Variants in PCDH15 observed in about 807,000 individuals in gnomAD.
The protein encoded by PCDH15 is protocadherin-15.
In PCDH15, 129 loss-of-function variants were observed where a neutral mutation model predicts 178.5. The observed-to-expected ratio is 0.72, with a 90% CI of 0.63 to 0.84. PCDH15 has a LOEUF of 0.84. PCDH15 is among the 40% of genes least tolerant of loss of function. The pLI, the probability that PCDH15 is intolerant of heterozygous loss-of-function variation, is 0.00. For synonymous variants in PCDH15, 800 were observed against 732.0 expected (o/e 1.09, Z -1.50); for missense variants, 2,230 against 2,099.9 (o/e 1.06, Z -1.21).
intron 1 of PCDH15, among the ~76,000 whole-genome samples, chr10:54,795,926 G>A (rs1276309195): frequency 6.6e-6 from 1 of 151,748 alleles, no homozygotes; most frequent in African/African-American, 2.4e-5. Flanking sequence ...AATATACCTT[G>A]GTTTCAGGTC....
At chr10:54,263,309 G>T (rs1037286846) in intron 8 of PCDH15, among the ~76,000 whole-genome samples, 1 of 152,092 alleles carries the variant, frequency 6.6e-6, no homozygotes, top group Non-Finnish European at 1.5e-5. Context: ...AGAAAATGTG[G>T]CCATGGCATC....
intron 5 of PCDH15, among the ~76,000 whole-genome samples, chr10:54,354,901 G>A (rs1944725937): frequency 2.0e-5 from 3 of 151,802 alleles, no homozygotes; most frequent in Non-Finnish European, 4.4e-5. Context: ...AAATGTAAAA[G>A]AATAGCATAA....
intron 2 of PCDH15, among the ~76,000 whole-genome samples, chr10:55,476,637 T>C (rs1416055631): frequency 6.6e-6 from 1 of 151,880 alleles, no homozygotes; most frequent in Non-Finnish European, 1.5e-5. Flanking sequence ...TGAAAAAACA[T>C]ATAGAAAAAA....
chr10:55,103,111 C>CTT (rs112141976), intron 2 of PCDH15, among the ~76,000 whole-genome samples: 91 of 125,542 alleles, frequency 7.2e-4, no homozygotes, highest in African/African-American at 2.4e-3. Flanking sequence ...TCTGATTTTT[C>CTT]TTTTTTTTTT....
At chr10:53,942,805 T>C (rs539397246) in intron 23 of PCDH15, among the ~76,000 whole-genome samples, 1 of 152,312 alleles carries the variant, frequency 6.6e-6, no homozygotes, top group South Asian at 2.1e-4. Context: ...AGGACACAGC[T>C]AACCCATGCC....
chr10:54,429,674 C>T (rs1303426479), intron 3 of PCDH15, among the ~76,000 whole-genome samples: 1 of 152,040 alleles, frequency 6.6e-6, no homozygotes, highest in Non-Finnish European at 1.5e-5. Flanking sequence ...AACGAAAGAG[C>T]AGGAGTATCT....
At chr10:54,807,108 A>G (rs1952791419) in intron 3 of PCDH15, among the ~76,000 whole-genome samples, 1 of 152,182 alleles carries the variant, frequency 6.6e-6, no homozygotes, top group Non-Finnish European at 1.5e-5. Context: ...ACCATCTTAG[A>G]ATTCTGTCTG....
chr10:54,105,317 T>TAC (rs1554967825), intron 15 of PCDH15, among the ~76,000 whole-genome samples: 4,284 of 90,772 alleles, frequency 0.047, 177 homozygotes, highest in Middle Eastern at 0.075. Flanking sequence ...TATATATATA[T>TAC]ACACACACAC....
chr10:55,252,542 T>C (rs1841866693), intron 1 of PCDH15, among the ~76,000 whole-genome samples: 1 of 152,006 alleles, frequency 6.6e-6, no homozygotes, highest in African/African-American at 2.4e-5. Flanking sequence ...AAATCCAAAG[T>C]TTTTTTCCTA....
intron 2 of PCDH15, among the ~76,000 whole-genome samples, chr10:55,591,960 G>T (rs1180951585): frequency 1.3e-5 from 2 of 152,022 alleles, no homozygotes; most frequent in Non-Finnish European, 2.9e-5. Context: ...CATAGACATT[G>T]AGTTCTATAC....
At chr10:55,499,760 T>C (rs908962897) in intron 2 of PCDH15, among the ~76,000 whole-genome samples, 2 of 151,774 alleles carry the variant, frequency 1.3e-5, no homozygotes, top group Non-Finnish European at 2.9e-5. Flanking sequence ...CTCTTCTAAG[T>C]TTAACTTGAA....
At chr10:55,085,704 A>T (rs1053117629) in intron 2 of PCDH15, among the ~76,000 whole-genome samples, 1 of 151,904 alleles carries the variant, frequency 6.6e-6, no homozygotes. Context: ...AGATTTTCAT[A>T]TATATAGTCA....
At chr10:55,338,530 G>A (rs1293193933) in intron 2 of PCDH15, among the ~76,000 whole-genome samples, 1 of 152,286 alleles carries the variant, frequency 6.6e-6, no homozygotes, top group Middle Eastern at 3.4e-3. Context: ...CACTCGGGGA[G>A]ACCAAGACAG....
intron 2 of PCDH15, among the ~76,000 whole-genome samples, chr10:55,109,281 C>T (rs1283166428): frequency 6.6e-6 from 1 of 152,156 alleles, no homozygotes; most frequent in African/African-American, 2.4e-5. Flanking sequence ...GTTTAAACTT[C>T]GCAAATTTCT....
At position 55,560,978 on chromosome 10, in the gene PCDH15, C is replaced by T. The variant is rs370455596; in HGVS notation, c.-156+66647G>A. ...TTTTAAGTATTAAGAAATATGCCTT[C>T]TTTGGTGAAAATTATTTTCAAAACA... On this transcript the variant is annotated intron_variant, in intron 2 of 5. Transcript: ENST00000613346. Among the ~76,000 whole-genome samples, 17 of 151,914 alleles carry T rather than the reference C, an allele frequency of 1.1e-4. No individual in the cohort carries two copies. The South Asian group carries it at 3.1e-3, about 28-fold the overall frequency.
At chr10:55,458,373 T>A (rs1282094820) in intron 2 of PCDH15, among the ~76,000 whole-genome samples, 1 of 152,092 alleles carries the variant, frequency 6.6e-6, no homozygotes, top group Non-Finnish European at 1.5e-5. Context: ...TTAACCCAGA[T>A]TTGTTTCTTC....
chr10:55,281,957 A>T (rs1183958969), intron 1 of PCDH15, among the ~76,000 whole-genome samples: 3 of 152,208 alleles, frequency 2.0e-5, no homozygotes, highest in Admixed American at 6.6e-5. Flanking sequence ...CAAACTCCTT[A>T]GTCTAAATTA....
At chr10:55,121,648 C>A (rs541367593) in intron 2 of PCDH15, among the ~76,000 whole-genome samples, 2 of 152,214 alleles carry the variant, frequency 1.3e-5, no homozygotes, top group Admixed American at 1.3e-4. Context: ...ACAATTCATT[C>A]ATAAGGGTGG....
intron 3 of PCDH15, among the ~76,000 whole-genome samples, chr10:54,503,264 T>TGTGTGTGAGAGA (rs35648214): frequency 3.1e-4 from 42 of 137,374 alleles, no homozygotes; most frequent in African/African-American, 7.9e-4. Context: ...TGTGTGTGTG[T>TGTGTGTGAGAGA]GATTATATAT....
Sources: allele counts gnomAD v4.1 joint callset (sites outside exome capture counted in the v4.1 genomes callset), GRCh38; gene constraint gnomAD v4.1.1; transcripts MANE v1.5; gene names NCBI Gene and HGNC (gene_info 2026-07-23, HGNC 2026-07-21).